Variants in RMDN2 observed in about 807,000 individuals in gnomAD.
RMDN2 encodes the protein regulator of microtubule dynamics protein 2.
A neutral mutation model predicts 52.8 loss-of-function variants in RMDN2; 61 were observed. That is an observed-to-expected ratio of 1.16 (90% confidence interval 0.94 to 1.43). RMDN2 has a LOEUF of 1.43. RMDN2 is among the 40% of genes most tolerant of loss of function. The probability of loss-of-function intolerance (pLI) is 0.00; values close to 1 mark genes in which losing one functional copy is unlikely to be tolerated. For synonymous variants in RMDN2, 180 were observed against 153.1 expected (o/e 1.18, Z -1.30); for missense variants, 592 against 475.3 (o/e 1.25, Z -2.28).
intron 2 of RMDN2, among the ~76,000 whole-genome samples, chr2:37,958,038 G>C (rs1003498751): frequency 6.6e-6 from 1 of 152,096 alleles, no homozygotes; most frequent in Non-Finnish European, 1.5e-5. Context: ...TGCTGTTTTG[G>C]TTACTGTAGC....
chr2:37,951,970 G>A (rs776126982), intron 2 of RMDN2: 20 of 1,613,116 alleles, frequency 1.2e-5, no homozygotes, highest in Admixed American at 1.7e-5. Flanking sequence ...CTTCATCCTC[G>A]TCCTGAAAGT....
intron 2 of RMDN2, among the ~76,000 whole-genome samples, chr2:37,954,725 C>G (rs1669239296): frequency 6.6e-6 from 1 of 152,032 alleles, no homozygotes; most frequent in African/African-American, 2.4e-5. Context: ...ATAGATTTTT[C>G]TATTTGTACA....
chr2:38,037,480 G>A (rs1396253866), intron 10 of RMDN2, among the ~76,000 whole-genome samples: 1 of 152,184 alleles, frequency 6.6e-6, no homozygotes, highest in East Asian at 1.9e-4. Context: ...GGCTCATTGT[G>A]GAGAATCCCA....
chr2:38,017,664 A>G lies in RMDN2; in HGVS notation c.*425A>G. ...ATGAACAAGTTGTTGGCAGAAGAGG[A>G]AAAACAAACAAATGTAGTATTGTAA... On this transcript the variant is annotated 3_prime_UTR_variant, in exon 11 of 11. Coordinates refer to ENST00000354545, the MANE Select transcript of RMDN2 (RefSeq NM_001170791.3). 2.7e-6 allele frequency: 2 copies of G among 735,150 alleles called. No individual in the cohort carries two copies. Among genetic ancestry groups the G allele is most frequent in the Middle Eastern group, 2.9e-4 (1 of 3,438 alleles). 45.5% of individuals were successfully genotyped at this position (735,150 alleles called of 1,614,324 possible).
chr2:38,027,505 G>T (rs13417882), intron 10 of RMDN2: 1 of 151,678 alleles, frequency 6.6e-6, no homozygotes, highest in Non-Finnish European at 1.5e-5. Flanking sequence ...AAAAAACCTC[G>T]AAAGTATTAC....
chr2:38,062,049 A>T (rs1233788591), intron 10 of RMDN2, among the ~76,000 whole-genome samples: 2 of 152,214 alleles, frequency 1.3e-5, no homozygotes, highest in Non-Finnish European at 1.5e-5. Flanking sequence ...CTACCTGCCA[A>T]TGTCAGTTCA....
chr2:38,060,653 C>G (rs1256632137), intron 10 of RMDN2, among the ~76,000 whole-genome samples: 1 of 152,164 alleles, frequency 6.6e-6, no homozygotes, highest in Non-Finnish European at 1.5e-5. Flanking sequence ...TCACAAACAT[C>G]CACCAGATCC....
chr2:37,925,848 T>G (rs987724895), intron 1 of RMDN2, among the ~76,000 whole-genome samples: 21 of 152,236 alleles, frequency 1.4e-4, no homozygotes, highest in Non-Finnish European at 4.4e-5. Flanking sequence ...GTGGGGTTTT[T>G]TTTGCTCTCA....
chr2:37,970,319 A>G (rs1314630385), intron 2 of RMDN2, among the ~76,000 whole-genome samples: 1 of 152,178 alleles, frequency 6.6e-6, no homozygotes, highest in Non-Finnish European at 1.5e-5. Flanking sequence ...AATTGATCAG[A>G]TAGGTCTCAT....
intron 5 of RMDN2, among the ~76,000 whole-genome samples, chr2:37,989,226 A>T (rs1025018743): frequency 1.3e-5 from 2 of 152,164 alleles, no homozygotes; most frequent in African/African-American, 4.8e-5. Context: ...AATATTGATG[A>T]TGATGATAGC....
chr2:38,031,712 A>G (rs1680220337), intron 10 of RMDN2, among the ~76,000 whole-genome samples: 1 of 152,166 alleles, frequency 6.6e-6, no homozygotes, highest in African/African-American at 2.4e-5. Context: ...CAAAGAGAAG[A>G]AATTACTGGA....
At chr2:38,008,078 T>C (rs1452134150) in intron 10 of RMDN2, among the ~76,000 whole-genome samples, 1 of 152,230 alleles carries the variant, frequency 6.6e-6, no homozygotes, top group Admixed American at 6.5e-5. Context: ...AGACAGTTTG[T>C]TATAATTTCT....
chr2:37,952,188 A>T, intron 2 of RMDN2: 5 of 1,613,192 alleles, frequency 3.1e-6, no homozygotes, highest in Non-Finnish European at 4.2e-6. Context: ...ACCTATTGAA[A>T]TTCCTAAAAT....
intron 10 of RMDN2, among the ~76,000 whole-genome samples, chr2:38,022,993 T>C (rs1481249465): frequency 6.6e-6 from 1 of 152,230 alleles, no homozygotes; most frequent in Non-Finnish European, 1.5e-5. Flanking sequence ...TTATGTTTAA[T>C]TGATTGGAGT....
intron 10 of RMDN2, among the ~76,000 whole-genome samples, chr2:38,057,494 C>T (rs1042809220): frequency 1.3e-5 from 2 of 152,188 alleles, no homozygotes; most frequent in African/African-American, 4.8e-5. Flanking sequence ...CAGATTTGGA[C>T]CATGGGCCAT....
chr2:37,940,949 G>A (rs942426747), intron 2 of RMDN2, among the ~76,000 whole-genome samples: 4 of 152,114 alleles, frequency 2.6e-5, no homozygotes, highest in East Asian at 3.8e-4. Context: ...GAGGAGTTGC[G>A]ATCCTTTGGA....
chr2:37,938,373 C>G (rs1667491289), intron 2 of RMDN2, among the ~76,000 whole-genome samples: 1 of 152,202 alleles, frequency 6.6e-6, no homozygotes, highest in Admixed American at 6.5e-5. Flanking sequence ...TGTTGTGTCT[C>G]TGCCAGGTTT....
intron 2 of RMDN2, among the ~76,000 whole-genome samples, chr2:37,945,432 C>G (rs985543714): frequency 1.3e-5 from 2 of 152,288 alleles, no homozygotes; most frequent in Middle Eastern, 3.4e-3. Flanking sequence ...GTCTCATCTT[C>G]CTGTGCCTTC....
intron 2 of RMDN2, among the ~76,000 whole-genome samples, chr2:37,966,748 G>C (rs985158318): frequency 6.6e-6 from 1 of 151,952 alleles, no homozygotes; most frequent in African/African-American, 2.4e-5. Flanking sequence ...TCATATGAGA[G>C]GGTCTTCAAA....
Sources: gnomAD v4.1 joint callset for allele counts (sites outside exome capture counted in the v4.1 genomes callset) on GRCh38, gnomAD v4.1.1 for gene constraint, MANE v1.5 for transcripts, NCBI Gene and HGNC (gene_info 2026-07-23, HGNC 2026-07-21) for gene names.